Variants in ARFIP1 observed in about 807,000 individuals in gnomAD.
ARFIP1 encodes the protein arfaptin-1.
A neutral mutation model predicts 42.5 loss-of-function variants in ARFIP1; 24 were observed. The ratio of observed to expected loss-of-function variants is 0.57; its 90% CI spans 0.41 to 0.80. The LOEUF is 0.80. Ranked by LOEUF, ARFIP1 falls within the 30% of genes least tolerant of loss-of-function variation. The pLI, the probability that ARFIP1 is intolerant of heterozygous loss-of-function variation, is 0.00. For missense variants in ARFIP1, 354 were observed against 434.0 expected (o/e 0.82, Z 1.64); for synonymous variants, 141 against 153.7 (o/e 0.92, Z 0.61).
intron 2 of ARFIP1, among the ~76,000 whole-genome samples, chr4:152,856,105 A>G (rs527826640): frequency 5.7e-4 from 87 of 152,350 alleles, no homozygotes; most frequent in African/African-American, 1.9e-3. Context: ...AGGTGACAAG[A>G]TGAAAGGTAT....
intron 2 of ARFIP1, among the ~76,000 whole-genome samples, chr4:152,839,796 C>G (rs1731920247): frequency 6.6e-6 from 1 of 151,768 alleles, no homozygotes; most frequent in Non-Finnish European, 1.5e-5. Flanking sequence ...TAGTTCTGCT[C>G]TGATCTTGGT....
At chr4:152,840,246 A>G (rs140706765) in intron 2 of ARFIP1, among the ~76,000 whole-genome samples, 121 of 152,314 alleles carry the variant, frequency 7.9e-4, no homozygotes, top group African/African-American at 2.9e-3. Context: ...GAAATGTTCT[A>G]TATGTATCTG....
intron 1 of ARFIP1, among the ~76,000 whole-genome samples, chr4:152,785,962 T>C (rs1046526801): frequency 6.6e-6 from 1 of 152,218 alleles, no homozygotes; most frequent in African/African-American, 2.4e-5. Context: ...GATAAAACTT[T>C]AAAATGCGAC....
At chr4:152,855,283 G>C (rs1280250569) in intron 2 of ARFIP1, among the ~76,000 whole-genome samples, 1 of 152,176 alleles carries the variant, frequency 6.6e-6, no homozygotes, top group Admixed American at 6.5e-5. Flanking sequence ...ACAGCTGCGG[G>C]GGGTGGGGAA....
chr4:152,888,228 T>G lies in ARFIP1; in HGVS notation c.887T>G (p.Leu296Arg). ...CCAAAGATTGAGCAGTCACAGCATC[T>G]CTTCCAAGCACATAAGGAAAAATAT... ...TLPKIEQSQH[L>R]FQAHKEKYDK... is the part of the protein sequence containing the mutation. The change falls in exon 8 of 9, where the codon CTC (leucine) becomes CGC (arginine). Residue 296 changes from leucine to arginine, a missense_variant. By Grantham distance (102) the Leu-to-Arg change is moderately radical (BLOSUM62 -2). Transcript: ENST00000353617. The G allele has an allele frequency of 6.2e-7, 1 of 1,611,648 alleles. No individual in the cohort carries two copies. The highest frequency in any genetic ancestry group is 1.1e-5 in the South Asian group (1 of 90,672).
chr4:152,869,592 G>A (rs1278934590), intron 3 of ARFIP1, among the ~76,000 whole-genome samples: 1 of 151,814 alleles, frequency 6.6e-6, no homozygotes, highest in Non-Finnish European at 1.5e-5. Flanking sequence ...GGGACTACAG[G>A]CTTGTGCCAC....
chr4:152,893,389 A>G (rs1481016936), intron 8 of ARFIP1, among the ~76,000 whole-genome samples: 1 of 151,354 alleles, frequency 6.6e-6, no homozygotes, highest in Non-Finnish European at 1.5e-5. Flanking sequence ...AAAAATATGC[A>G]GATCAATGTA....
intron 2 of ARFIP1, among the ~76,000 whole-genome samples, chr4:152,846,981 C>G (rs575022787): frequency 6.6e-6 from 1 of 151,636 alleles, no homozygotes; most frequent in Non-Finnish European, 1.5e-5. Flanking sequence ...TTTCATTTTA[C>G]TTCCTTTCTT....
chr4:152,850,138 A>G (rs1288541006), intron 2 of ARFIP1, among the ~76,000 whole-genome samples: 1 of 152,226 alleles, frequency 6.6e-6, no homozygotes, highest in African/African-American at 2.4e-5. Flanking sequence ...GCATCAGCAT[A>G]GGTAGGCAGG....
Position 152,848,632 on chromosome 4 carries a change from A to G in ARFIP1, c.94-14974A>G, listed in dbSNP as rs1436438635. Among the ~76,000 whole-genome samples, 10 of 145,928 alleles carry G rather than the reference A, an allele frequency of 6.9e-5. No individual in the cohort carries two copies. In the South Asian group the frequency reaches 2.2e-3, roughly 32 times the overall value. On this transcript the variant is annotated intron_variant, in intron 2 of 8. Coordinates refer to ENST00000353617, the MANE Select transcript of ARFIP1 (RefSeq NM_001025595.3). ...AAATTGTTGGAACACTGTTCCTCCAACTCCTACCCCCACCAGTCACATGTT... is the reference window on the plus strand; with the variant it reads ...AAATTGTTGGAACACTGTTCCTCCAGCTCCTACCCCCACCAGTCACATGTT...
In ARFIP1 at chr4:152,805,578, G is replaced by A. The variant is rs551328703; in HGVS notation, c.-9-24047G>A. On this transcript the variant is annotated intron_variant, in intron 1 of 8. Coordinates refer to ENST00000353617, the MANE Select transcript of ARFIP1 (RefSeq NM_001025595.3). ...AGTGAGTTCTTTGATATCTTTCTTC[G>A]TAACCCTAGTTTCTGATTCTAAGTC... is the stretch of plus-strand genomic sequence containing the variant. Among the ~76,000 whole-genome samples the A allele has an allele frequency of 1.1e-4, 16 of 152,240 alleles. No homozygotes were observed. The East Asian group carries it at 1.9e-3, about 18-fold the overall frequency.
intron 1 of ARFIP1, chr4:152,810,155 T>C (rs1398847426): frequency 2.0e-5 from 3 of 152,184 alleles, no homozygotes; most frequent in African/African-American, 7.2e-5. Flanking sequence ...TCCATATATA[T>C]TGGATTTTTA....
intron 3 of ARFIP1, among the ~76,000 whole-genome samples, chr4:152,866,923 A>G (rs1561154700): frequency 6.6e-6 from 1 of 150,520 alleles, no homozygotes; most frequent in Non-Finnish European, 1.5e-5. Flanking sequence ...GACGCTCCTC[A>G]CTTCCTAGAT....
chr4:152,860,994 A>G (rs1384817749), intron 2 of ARFIP1, among the ~76,000 whole-genome samples: 1 of 152,180 alleles, frequency 6.6e-6, no homozygotes, highest in Non-Finnish European at 1.5e-5. Context: ...TAATTGAACC[A>G]AATTGGCTTT....
chr4:152,823,513 GT>G (rs1465358634), intron 1 of ARFIP1, among the ~76,000 whole-genome samples: 2 of 152,186 alleles, frequency 1.3e-5, no homozygotes, highest in African/African-American at 4.8e-5. Flanking sequence ...GGGCACAGTG[GT>G]TTATGCCTGT....
At chr4:152,785,132 G>A (rs1042038866) in intron 1 of ARFIP1, among the ~76,000 whole-genome samples, 4 of 152,144 alleles carry the variant, frequency 2.6e-5, no homozygotes, top group Non-Finnish European at 5.9e-5. Flanking sequence ...GTGGGGGAAT[G>A]GGTCACAATT....
chr4:152,856,679 A>G (rs980523293), intron 2 of ARFIP1, among the ~76,000 whole-genome samples: 3 of 152,084 alleles, frequency 2.0e-5, no homozygotes, highest in African/African-American at 7.2e-5. Context: ...TGCCATTTGT[A>G]TGTTGTTTGT....
chr4:152,851,178 A>G lies in ARFIP1; in HGVS notation c.94-12428A>G, dbSNP rs72968472. Among the ~76,000 whole-genome samples, 1,444 of 152,342 alleles carry G rather than the reference A, an allele frequency of 9.5e-3. 15 individuals carry two copies. Among genetic ancestry groups the G allele is most frequent in the African/African-American group, 0.031 (1,299 of 41,578 alleles). On this transcript the variant is annotated intron_variant, in intron 2 of 8. Transcript: ENST00000353617. ...GTCAAGAATACAAGTGGTGAACAAGATAGATAAGCTTCCTGATCTTAGCAT... is the reference window on the plus strand; with the variant it reads ...GTCAAGAATACAAGTGGTGAACAAGGTAGATAAGCTTCCTGATCTTAGCAT...
chr4:152,786,826 C>T lies in ARFIP1; in HGVS notation c.-10+6600C>T, dbSNP rs546272332. Among the ~76,000 whole-genome samples the T allele has an allele frequency of 2.0e-5, 3 of 152,298 alleles. No individual in the cohort carries two copies. The East Asian group carries it at 5.8e-4, about 29-fold the overall frequency. On this transcript the variant is annotated intron_variant, in intron 1 of 8. Transcript: ENST00000353617. ...TTAGTCCTTTGTATGCACCTTGCTC[C>T]CTGCCATTTTTGCAAGGCTTTTGTA...
Sources: gnomAD v4.1 joint callset for allele counts (sites outside exome capture counted in the v4.1 genomes callset) on GRCh38, gnomAD v4.1.1 for gene constraint, MANE v1.5 for transcripts, NCBI Gene and HGNC (gene_info 2026-07-23, HGNC 2026-07-21) for gene names.